PRR16: variants seen among roughly 807,000 people sequenced by gnomAD.
The protein encoded by PRR16 is protein Largen.
A neutral mutation model predicts 18.2 loss-of-function variants in PRR16; 6 were observed. The observed-to-expected ratio is 0.33, with a 90% confidence interval of 0.18 to 0.65. The LOEUF (loss-of-function observed/expected upper bound fraction) is 0.65. Among genes scored for constraint, PRR16 ranks in the 30% least tolerant of loss-of-function variants. The pLI, the probability that PRR16 is intolerant of heterozygous loss-of-function variation, is 0.74. For synonymous variants in PRR16, 151 were observed against 147.8 expected, an observed-to-expected ratio of 1.02 and a Z score of -0.16; for missense variants, 412 against 376.6, an observed-to-expected ratio of 1.09 and a Z score of -0.78.
chr5:120,646,048 T>TA (rs1755584808), intron 1 of PRR16, among the ~76,000 whole-genome samples: 1 of 104,984 alleles, frequency 9.5e-6, no homozygotes, highest in African/African-American at 3.0e-5. Context: ...AATACATATT[T>TA]TATATATATA....
chr5:120,686,463 G>A lies in PRR16; in HGVS notation c.669G>A (p.Arg223=). Residue 223 remains arginine, a synonymous_variant, in exon 2 of 2, where the codon CGG becomes CGA. Coordinates refer to ENST00000407149, the MANE Select transcript of PRR16 (RefSeq NM_001300783.2). ...GCTATTGTCCTGACTGTGATACCCG[G>A]TATAACATAAAAAACAGGGAGGTCC... ...YHGYCPDCDT[R]YNIKNREVHL... 1.9e-6 allele frequency: 3 copies of A among 1,614,036 alleles called. No individual in the cohort carries two copies. The highest frequency in any genetic ancestry group is 1.7e-6 in the Non-Finnish European group (2 of 1,180,008).
chr5:120,666,480 A>C (rs1194590716), intron 1 of PRR16, among the ~76,000 whole-genome samples: 2 of 151,388 alleles, frequency 1.3e-5, no homozygotes, highest in Non-Finnish European at 3.0e-5. Context: ...CCCTGGCCAG[A>C]ACTTCCAACA....
rs1749010586 is a variant in PRR16, at chr5:120,464,472, G to T, written c.-15G>T. On this transcript the variant is annotated 5_prime_UTR_variant, in exon 1 of 2. Coordinates refer to ENST00000407149, the MANE Select transcript of PRR16 (RefSeq NM_001300783.2). ...TCGCCCGCCTGTCCTGACCTGCCTCGCTTGCCCCCAAAGAATGTCAGCCAA... is the reference window on the plus strand; with the variant it reads ...TCGCCCGCCTGTCCTGACCTGCCTCTCTTGCCCCCAAAGAATGTCAGCCAA... 2.5e-6 allele frequency: 4 copies of T among 1,579,562 alleles called. No homozygotes were observed. The South Asian group carries it at 4.6e-5, about 18-fold the overall frequency.
chr5:120,586,593 A>G (rs952192330), intron 1 of PRR16, among the ~76,000 whole-genome samples: 1 of 152,130 alleles, frequency 6.6e-6, no homozygotes, highest in African/African-American at 2.4e-5. Flanking sequence ...ATCTGTGATC[A>G]GTGGTCTTCA....
chr5:120,582,018 C>G (rs1340953388), intron 1 of PRR16, among the ~76,000 whole-genome samples: 5 of 152,052 alleles, frequency 3.3e-5, no homozygotes, highest in Non-Finnish European at 7.4e-5. Context: ...ATGTTTATCG[C>G]AGCACAATTC....
chr5:120,766,444 C>A, the PRR16 span, among the ~76,000 whole-genome samples: 127 of 152,014 alleles, frequency 8.4e-4, no homozygotes, highest in African/African-American at 3.0e-3. Flanking sequence ...TCTATTATAT[C>A]TTTTTTTCAT....
chr5:120,711,029 C>T, the PRR16 span, among the ~76,000 whole-genome samples: 1 of 151,996 alleles, frequency 6.6e-6, no homozygotes, highest in African/African-American at 2.4e-5. Context: ...CAGCAAAAGA[C>T]TGGTTAAGTC....
At chr5:120,541,923 TC>T (rs1195135092) in intron 1 of PRR16, among the ~76,000 whole-genome samples, 2 of 151,550 alleles carry the variant, frequency 1.3e-5, no homozygotes, top group African/African-American at 4.9e-5. Context: ...CTTCCTTTCC[TC>T]TTTTTTTTTT....
chr5:120,722,501 C>G, the PRR16 span, among the ~76,000 whole-genome samples: 1 of 152,012 alleles, frequency 6.6e-6, no homozygotes, highest in Non-Finnish European at 1.5e-5. Context: ...AATGCTCTTA[C>G]AGACATTATA....
the PRR16 span, among the ~76,000 whole-genome samples, chr5:120,701,567 G>T: frequency 6.6e-6 from 1 of 152,288 alleles, no homozygotes; most frequent in Non-Finnish European, 1.5e-5. Context: ...GTGTGAGGAG[G>T]GGAGGTGATA....
chr5:120,618,059 ACT>A, intron 1 of PRR16, among the ~76,000 whole-genome samples: 1 of 152,128 alleles, frequency 6.6e-6, no homozygotes, highest in Admixed American at 6.6e-5. Flanking sequence ...TCTATGTAAG[ACT>A]CTAGTTATTT....
At chr5:120,667,413 A>C (rs1410154336) in intron 1 of PRR16, among the ~76,000 whole-genome samples, 1 of 151,800 alleles carries the variant, frequency 6.6e-6, no homozygotes, top group South Asian at 2.1e-4. Context: ...CAGCTCCTGG[A>C]TTCATTAATT....
intron 1 of PRR16, among the ~76,000 whole-genome samples, chr5:120,490,724 C>T (rs1750001371): frequency 6.6e-6 from 1 of 150,712 alleles, no homozygotes; most frequent in South Asian, 2.1e-4. Flanking sequence ...GGAGGAGAGG[C>T]ACTCTGATTT....
intron 1 of PRR16, among the ~76,000 whole-genome samples, chr5:120,607,645 A>G (rs545355522): frequency 6.6e-5 from 10 of 152,114 alleles, no homozygotes; most frequent in African/African-American, 2.2e-4. Flanking sequence ...AAGGATAGCA[A>G]TTTCCTACCA....
At chr5:120,504,172 C>T (rs1425271290) in intron 1 of PRR16, among the ~76,000 whole-genome samples, 3 of 152,166 alleles carry the variant, frequency 2.0e-5, no homozygotes. Context: ...TATCCCTCCC[C>T]ACTCCCGATA....
chr5:120,655,374 CTTTT>C (rs5870910), intron 1 of PRR16, among the ~76,000 whole-genome samples: 1 of 95,690 alleles, frequency 1.0e-5, no homozygotes, highest in African/African-American at 3.4e-5. Flanking sequence ...AATAATTGAC[CTTTT>C]TTTTTTTTTT....
the PRR16 span, among the ~76,000 whole-genome samples, chr5:120,704,567 G>A: frequency 6.6e-6 from 1 of 152,144 alleles, no homozygotes; most frequent in East Asian, 1.9e-4. Flanking sequence ...TAAAACTCAT[G>A]AGCCTTATTT....
At chr5:120,755,196 TAAA>T in the PRR16 span, among the ~76,000 whole-genome samples, 1 of 151,590 alleles carries the variant, frequency 6.6e-6, no homozygotes, top group Non-Finnish European at 1.5e-5. Context: ...ATAATAATAA[TAAA>T]ATTTAAAAAA....
chr5:120,665,325 T>G (rs1282338654), intron 1 of PRR16, among the ~76,000 whole-genome samples: 6 of 151,940 alleles, frequency 3.9e-5, no homozygotes, highest in Non-Finnish European at 5.9e-5. Flanking sequence ...TCTTGTAAAT[T>G]TGTTTGAGTT....
Sources: allele counts gnomAD v4.1 joint callset (sites outside exome capture counted in the v4.1 genomes callset), GRCh38; gene constraint gnomAD v4.1.1; transcripts MANE v1.5; gene names NCBI Gene and HGNC (gene_info 2026-07-23, HGNC 2026-07-21).